FCHSD2: variants seen among roughly 807,000 people sequenced by gnomAD.
FCHSD2 encodes F-BAR and double SH3 domains protein 2.
In FCHSD2, 38 loss-of-function variants were observed where a neutral mutation model predicts 108.1. The ratio of observed to expected loss-of-function variants is 0.35; its 90% CI spans 0.27 to 0.46. The LOEUF is 0.46. FCHSD2 is among the 20% of genes least tolerant of loss of function. FCHSD2 has a pLI of 1.00. For missense variants in FCHSD2, 751 were observed against 897.8 expected (o/e 0.84, Z 2.09); for synonymous variants, 279 against 314.7 (o/e 0.89, Z 1.20).
chr11:72,915,461 G>A (rs904232265), intron 9 of FCHSD2, among the ~76,000 whole-genome samples: 1 of 152,154 alleles, frequency 6.6e-6, no homozygotes, highest in Non-Finnish European at 1.5e-5. Flanking sequence ...GTTCATTGCA[G>A]CACCATTCAC....
At chr11:72,864,753 T>C (rs1854686113) in intron 13 of FCHSD2, among the ~76,000 whole-genome samples, 1 of 152,232 alleles carries the variant, frequency 6.6e-6, no homozygotes, top group Non-Finnish European at 1.5e-5. Context: ...AGAATTAATA[T>C]AATATCAAAA....
rs60223064 is a variant in FCHSD2 at position 73,096,987 on chromosome 11, ATTTTTTTTTTTT to A, written c.120-13259_120-13248del. On this transcript the variant is annotated intron_variant, in intron 2 of 19. Transcript: ENST00000409418. Reference sequence around the variant, plus strand: ...CTAATGTGATGTATTTCATTGATGGATTTTTTTTTTTTTTTTTTTTTTTTTTTTTGATGAGAC... The same window carrying A: ...CTAATGTGATGTATTTCATTGATGGATTTTTTTTTTTTTTTTTGATGAGAC... 4.7e-3 allele frequency among the ~76,000 whole-genome samples: 128 copies of A among 27,046 alleles called. 6 individuals carry two copies. Among genetic ancestry groups the A allele is most frequent in the African/African-American group, 0.022 (112 of 5,064 alleles). 17.7% of individuals were successfully genotyped at this position (27,046 alleles called of 152,430 possible). A position where few individuals can be genotyped will look rare whatever the true frequency, so the allele number is the denominator to read the frequency against.
chr11:72,900,338 A>G (rs976126790), intron 10 of FCHSD2: 1 of 1,544,464 alleles, frequency 6.5e-7, no homozygotes, highest in Admixed American at 2.0e-5. Flanking sequence ...TCTGCCCAGT[A>G]AAGATTGCAC....
intron 14 of FCHSD2, 127 bp downstream of exon 14, chr11:72,849,628 T>C (rs1030321224): frequency 1.4e-6 from 1 of 730,484 alleles, no homozygotes. Context: ...CATTCTGTTA[T>C]GTTGCCCCAA....
intron 10 of FCHSD2, among the ~76,000 whole-genome samples, chr11:72,891,266 T>G (rs1855308678): frequency 6.6e-6 from 1 of 152,214 alleles, no homozygotes; most frequent in Non-Finnish European, 1.5e-5. Context: ...TAGCTCAAAA[T>G]TGATAGAGTA....
At chr11:73,015,390 A>C (rs1446089126) in intron 4 of FCHSD2, among the ~76,000 whole-genome samples, 1 of 152,212 alleles carries the variant, frequency 6.6e-6, no homozygotes, top group East Asian at 1.9e-4. Context: ...AGTCTCACAA[A>C]AACCCCATCT....
chr11:73,046,059 T>C (rs1019900525), intron 3 of FCHSD2, among the ~76,000 whole-genome samples: 3 of 150,946 alleles, frequency 2.0e-5, no homozygotes, highest in Non-Finnish European at 4.4e-5. Context: ...GGCAGGATCA[T>C]AGCTCACTGC....
chr11:72,926,143 A>T (rs555341544), intron 8 of FCHSD2, among the ~76,000 whole-genome samples: 5 of 152,266 alleles, frequency 3.3e-5, no homozygotes, highest in Admixed American at 3.3e-4. Flanking sequence ...TGGGCAGAAG[A>T]GGGTGGGTTC....
chr11:73,106,070 T>C (rs1860334693), intron 2 of FCHSD2, among the ~76,000 whole-genome samples: 1 of 152,208 alleles, frequency 6.6e-6, no homozygotes, highest in Non-Finnish European at 1.5e-5. Flanking sequence ...GTGGAGAACA[T>C]CTGTGGTTCA....
rs1591325482 is a variant in FCHSD2, at chr11:72,838,884, A to C, written c.2140-10T>G. 1 of 1,602,538 alleles carries C rather than the reference A, an allele frequency of 6.2e-7. No individual in the cohort carries two copies. Among genetic ancestry groups the C allele is most frequent in the South Asian group, 1.1e-5 (1 of 87,850 alleles). ...GGGGAGCTGCCCGGACCTGAGCAGGAAACAATTACGTAGTTTGTCAGTCAG... is the reference window on the plus strand; with the variant it reads ...GGGGAGCTGCCCGGACCTGAGCAGGCAACAATTACGTAGTTTGTCAGTCAG... On this transcript the variant is annotated splice_polypyrimidine_tract_variant and intron_variant, in intron 19 of 19. Coordinates refer to ENST00000409418, the MANE Select transcript of FCHSD2 (RefSeq NM_014824.3).
intron 2 of FCHSD2, among the ~76,000 whole-genome samples, chr11:73,108,410 T>C (rs1205766844): frequency 6.6e-6 from 1 of 152,264 alleles, no homozygotes; most frequent in African/African-American, 2.4e-5. Flanking sequence ...TTTCACTTCA[T>C]GTAATCCTAT....
intron 12 of FCHSD2, among the ~76,000 whole-genome samples, chr11:72,877,888 C>G (rs555251238): frequency 6.6e-6 from 1 of 152,138 alleles, no homozygotes; most frequent in South Asian, 2.1e-4. Context: ...TGTCTGTAGC[C>G]CCAGCTATTC....
chr11:73,021,124 A>C (rs988536845), intron 3 of FCHSD2, among the ~76,000 whole-genome samples: 7 of 150,908 alleles, frequency 4.6e-5, no homozygotes, highest in Non-Finnish European at 1.0e-4. Context: ...TAATGCTCCC[A>C]CCTCTGCCTC....
chr11:73,083,703 A>G lies in FCHSD2; in HGVS notation c.157T>C (p.Tyr53His), dbSNP rs1157549175. 1 of 1,545,378 alleles carries G rather than the reference A, an allele frequency of 6.5e-7. No homozygotes were observed. Among genetic ancestry groups the G allele is most frequent in the Non-Finnish European group, 8.8e-7 (1 of 1,141,108 alleles). The change falls in exon 3 of 20, where the codon TAT becomes CAT. Residue 53 changes from tyrosine to histidine, a missense_variant. By Grantham distance (83) the Tyr-to-His change is moderately conservative. Coordinates refer to ENST00000409418, the MANE Select transcript of FCHSD2 (RefSeq NM_014824.3). ...TCCAATTTCAAGCTTACCTGTGCAT[A>G]CTCTCTTTCAATAGCAGCCTTCTTC... ...SQKKAAIERE[Y>H]AQGMQKLASQ...
intron 4 of FCHSD2, among the ~76,000 whole-genome samples, chr11:73,008,078 C>A (rs930269998): frequency 3.3e-5 from 5 of 152,124 alleles, no homozygotes; most frequent in Non-Finnish European, 5.9e-5. Flanking sequence ...GCTGCAGTGC[C>A]TCACGCCTGT....
At chr11:73,042,138 G>T (rs567319292) in intron 3 of FCHSD2, among the ~76,000 whole-genome samples, 13 of 152,198 alleles carry the variant, frequency 8.5e-5, no homozygotes, top group Admixed American at 3.9e-4. Context: ...TGTTGGCCAG[G>T]CTGGTCTTCA....
At chr11:73,020,321 T>C (rs1858071172) in intron 3 of FCHSD2, among the ~76,000 whole-genome samples, 1 of 152,226 alleles carries the variant, frequency 6.6e-6, no homozygotes, top group Non-Finnish European at 1.5e-5. Context: ...TCTATGGCTC[T>C]AGCACAGGTA....
intron 14 of FCHSD2, among the ~76,000 whole-genome samples, chr11:72,846,324 G>C (rs574537110): frequency 7.2e-5 from 11 of 152,100 alleles, no homozygotes; most frequent in Non-Finnish European, 1.2e-4. Flanking sequence ...GGGATTACAG[G>C]TGCACACCAC....
chr11:72,904,476 T>C (rs1855588393), intron 9 of FCHSD2, among the ~76,000 whole-genome samples: 1 of 152,186 alleles, frequency 6.6e-6, no homozygotes, highest in African/African-American at 2.4e-5. Context: ...TCACCCAGTT[T>C]CCAAAACATC....
Sources: allele counts gnomAD v4.1 joint callset (sites outside exome capture counted in the v4.1 genomes callset), GRCh38; gene constraint gnomAD v4.1.1; transcripts MANE v1.5; gene names NCBI Gene and HGNC (gene_info 2026-07-23, HGNC 2026-07-21).